MLLT10: variants seen among roughly 807,000 people sequenced by gnomAD.
MLLT10 encodes MLLT10 histone lysine methyltransferase DOT1L cofactor, also known as protein AF-10.
Under a neutral mutation model 129.1 loss-of-function variants are expected in MLLT10, and 30 were observed. The observed-to-expected ratio is 0.23, with a 90% CI of 0.17 to 0.32. The LOEUF is 0.32. Among genes scored for constraint, MLLT10 ranks in the 10% least tolerant of loss-of-function variants. The probability of loss-of-function intolerance (pLI) is 1.00; values close to 1 mark genes in which losing one functional copy is unlikely to be tolerated. For missense variants in MLLT10, 1,119 were observed against 1,268.3 expected (o/e 0.88, Z 1.79); for synonymous variants, 490 against 446.4 (o/e 1.10, Z -1.23).
chr10:21,718,764 G>A (rs779910565), intron 14 of MLLT10, among the ~76,000 whole-genome samples: 18 of 152,120 alleles, frequency 1.2e-4, no homozygotes, highest in Non-Finnish European at 2.6e-4. Context: ...CTCTGTTGCC[G>A]AGGCTAGAGT....
At chr10:21,718,265 A>G (rs574240245) in intron 14 of MLLT10, among the ~76,000 whole-genome samples, 201 of 152,246 alleles carry the variant, frequency 1.3e-3, no homozygotes, top group African/African-American at 4.8e-3. Flanking sequence ...ACATACTAGT[A>G]TATTAGTAAT....
At chr10:21,652,997 A>C (rs1230399344) in intron 9 of MLLT10, among the ~76,000 whole-genome samples, 1 of 152,238 alleles carries the variant, frequency 6.6e-6, no homozygotes, top group African/African-American at 2.4e-5. Flanking sequence ...GTATAGAGTC[A>C]CTGTTAACAA....
chr10:21,625,103 G>T, intron 8 of MLLT10: 1 of 915,112 alleles, frequency 1.1e-6, no homozygotes, highest in Non-Finnish European at 1.8e-6. Flanking sequence ...CTGGAGGTTA[G>T]CCATATCCAC....
At chr10:21,653,498 T>C (rs1258505114) in intron 9 of MLLT10, among the ~76,000 whole-genome samples, 1 of 152,222 alleles carries the variant, frequency 6.6e-6, no homozygotes, top group Non-Finnish European at 1.5e-5. Flanking sequence ...AATTTTTTTT[T>C]GCATCTCTTT....
chr10:21,613,192 CAAAAAA>C (rs993493277), intron 6 of MLLT10, among the ~76,000 whole-genome samples: 1 of 24,640 alleles, frequency 4.1e-5, no homozygotes, highest in Non-Finnish European at 8.7e-5. Context: ...GACTCTGTCT[CAAAAAA>C]AAAAAAAAAA....
intron 14 of MLLT10, among the ~76,000 whole-genome samples, chr10:21,722,179 T>C (rs967285527): frequency 6.6e-6 from 1 of 152,176 alleles, no homozygotes; most frequent in African/African-American, 2.4e-5. Flanking sequence ...TACAGAGAGT[T>C]AGATATATCA....
At chr10:21,599,511 T>C (rs887896785) in intron 5 of MLLT10, among the ~76,000 whole-genome samples, 2 of 152,128 alleles carry the variant, frequency 1.3e-5, no homozygotes, top group African/African-American at 4.8e-5. Flanking sequence ...TTTAATTTTT[T>C]CCCCCATATT....
chr10:21,717,621 TCCTC>T (rs1411118653), intron 14 of MLLT10, among the ~76,000 whole-genome samples: 1 of 130,496 alleles, frequency 7.7e-6, no homozygotes, highest in African/African-American at 2.8e-5. Flanking sequence ...TTCCTCCTCT[TCCTC>T]CTCCTCCTCC....
Position 21,650,752 on chromosome 10 carries a change from GTAAT to G in MLLT10, c.700-915_700-912del, listed in dbSNP as rs535463373. Reference sequence around the variant, plus strand: ...TGACATTAAGTTGGACTTCCAATATGTAATTAATTTTTTATTTTATTGAATTCCT... The same window carrying G: ...TGACATTAAGTTGGACTTCCAATATGTAATTTTTTATTTTATTGAATTCCT... On this transcript the variant is annotated intron_variant, in intron 8 of 22. Transcript: ENST00000307729. 9.5e-4 allele frequency among the ~76,000 whole-genome samples: 145 copies of G among 152,206 alleles called. No individual in the cohort carries two copies. The Middle Eastern group carries it at 0.01, about 11-fold the overall frequency.
chr10:21,640,772 A>T (rs1226499467), intron 8 of MLLT10, among the ~76,000 whole-genome samples: 1 of 152,210 alleles, frequency 6.6e-6, no homozygotes, highest in Non-Finnish European at 1.5e-5. Context: ...AATAAGAGAG[A>T]CTTGTGTAGC....
intron 3 of MLLT10, among the ~76,000 whole-genome samples, chr10:21,561,861 A>G (rs1334620018): frequency 1.3e-5 from 2 of 151,350 alleles, no homozygotes; most frequent in South Asian, 4.2e-4. Context: ...GCTGGAGTGT[A>G]GTGGCCCAAT....
At chr10:21,704,016 GTTTTTT>G (rs60982595) in intron 13 of MLLT10, among the ~76,000 whole-genome samples, 31 of 56,632 alleles carry the variant, frequency 5.5e-4, no homozygotes, top group African/African-American at 1.2e-3. Context: ...ATTGTTTTTT[GTTTTTT>G]TTTTTTTTTT....
chr10:21,603,619 C>T (rs1413258415), intron 5 of MLLT10, among the ~76,000 whole-genome samples: 5 of 152,142 alleles, frequency 3.3e-5, no homozygotes, highest in African/African-American at 1.2e-4. Context: ...ATTTTTCATA[C>T]ACCCCCTGTA....
At chr10:21,556,156 A>G (rs2037924046) in intron 3 of MLLT10, among the ~76,000 whole-genome samples, 1 of 151,830 alleles carries the variant, frequency 6.6e-6, no homozygotes, top group South Asian at 2.1e-4. Context: ...TTGTATTTTT[A>G]GTAGAGACGG....
chr10:21,677,480 A>C (rs1466773352), intron 11 of MLLT10, among the ~76,000 whole-genome samples: 1 of 152,168 alleles, frequency 6.6e-6, no homozygotes, highest in African/African-American at 2.4e-5. Context: ...ACGTCATAGT[A>C]TTTTCATATA....
chr10:21,644,297 ATGT>A (rs1439817340), intron 8 of MLLT10, among the ~76,000 whole-genome samples: 1 of 152,166 alleles, frequency 6.6e-6, no homozygotes, highest in African/African-American at 2.4e-5. Flanking sequence ...AGTTTTTAAA[ATGT>A]TGTTTATGCT....
intron 8 of MLLT10, among the ~76,000 whole-genome samples, chr10:21,639,057 G>A (rs2047728967): frequency 6.6e-6 from 1 of 152,148 alleles, no homozygotes; most frequent in Non-Finnish European, 1.5e-5. Flanking sequence ...TAATTGGCCT[G>A]TGAGGCCTTT....
At chr10:21,717,208 A>G (rs1439311581) in intron 14 of MLLT10, among the ~76,000 whole-genome samples, 1 of 129,290 alleles carries the variant, frequency 7.7e-6, no homozygotes. Flanking sequence ...AGCCAAGATC[A>G]CGCCATTGCG....
chr10:21,709,356 C>T (rs903611066), intron 13 of MLLT10, among the ~76,000 whole-genome samples: 6 of 151,926 alleles, frequency 3.9e-5, no homozygotes, highest in African/African-American at 1.2e-4. Flanking sequence ...CTCAGCCTCT[C>T]GAGTAACTGG....
Sources: allele counts gnomAD v4.1 joint callset (sites outside exome capture counted in the v4.1 genomes callset), GRCh38; gene constraint gnomAD v4.1.1; transcripts MANE v1.5; gene names NCBI Gene and HGNC (gene_info 2026-07-23, HGNC 2026-07-21).